TLN2: variants seen among roughly 807,000 people sequenced by gnomAD.
The protein encoded by TLN2 is talin-2.
A neutral mutation model predicts 294.7 loss-of-function variants in TLN2; 118 were observed. The ratio of observed to expected loss-of-function variants is 0.40; its 90% CI spans 0.34 to 0.47. The LOEUF (loss-of-function observed/expected upper bound fraction) is 0.47. TLN2 is among the 20% of genes least tolerant of loss of function. TLN2 has a pLI of 0.84. For missense variants in TLN2, 3,083 were observed against 3,282.2 expected (o/e 0.94, Z 1.48); for synonymous variants, 1,431 against 1,304.5 (o/e 1.10, Z -2.09).
intron 1 of TLN2, among the ~76,000 whole-genome samples, chr15:62,527,466 G>C (rs951243421): frequency 6.6e-6 from 1 of 152,176 alleles, no homozygotes. Flanking sequence ...GGAGGTGTTT[G>C]AGCAAGACAG....
chr15:62,709,854 C>T (rs1441683270), intron 21 of TLN2, among the ~76,000 whole-genome samples: 1 of 152,176 alleles, frequency 6.6e-6, no homozygotes, highest in Non-Finnish European at 1.5e-5. Flanking sequence ...CTTGCCTCAG[C>T]CTCCCAAGTA....
At chr15:62,793,158 T>A (rs752737444) in intron 46 of TLN2, among the ~76,000 whole-genome samples, 1 of 152,182 alleles carries the variant, frequency 6.6e-6, no homozygotes, top group Non-Finnish European at 1.5e-5. Context: ...GACACCATCT[T>A]TCTTCTCAAG....
At chr15:62,769,464 T>C (rs2141043570) in intron 41 of TLN2, among the ~76,000 whole-genome samples, 1 of 152,308 alleles carries the variant, frequency 6.6e-6, no homozygotes, top group Admixed American at 6.5e-5. Flanking sequence ...CCCTTTAAAA[T>C]TCATTCAAAG....
In TLN2 at chr15:62,833,550, C is replaced by T; in HGVS notation, c.7049C>T (p.Ala2350Val). ...LDFEEQILEA[A>V]KSIAAATSAL... ...TTTGAGGAACAGATCTTGGAAGCTG[C>T]TAAATCCATTGCTGCTGCCACAAGC... Residue 2350 changes from alanine to valine, a missense_variant, in exon 55 of 59, where the codon GCT becomes GTT. By Grantham distance (64) the Ala-to-Val change is moderately conservative. Transcript: ENST00000636159. The T allele has an allele frequency of 1.9e-6, 3 of 1,614,164 alleles. No individual in the cohort carries two copies. The highest frequency in any genetic ancestry group is 2.5e-6 in the Non-Finnish European group (3 of 1,180,028).
chr15:62,842,846 C>T lies in TLN2; in HGVS notation c.*2236C>T, dbSNP rs1239664307. The T allele has an allele frequency of 1.3e-5, 2 of 152,196 alleles. No homozygotes were observed. The highest frequency in any genetic ancestry group is 2.4e-5 in the African/African-American group (1 of 41,428). The allele number at this position is 152,196 out of a possible 1,614,324, so 9.4% of individuals were successfully genotyped here. A position where few individuals can be genotyped will look rare whatever the true frequency, so the allele number is the denominator to read the frequency against. On this transcript the variant is annotated 3_prime_UTR_variant, in exon 59 of 59. Coordinates refer to ENST00000636159, the MANE Select transcript of TLN2 (RefSeq NM_015059.3). ...TGGGAGCTTTGGGGAGTTTGGTTCT[C>T]AGTTATCACCTGGTATGGTCCCAGT... is the stretch of plus-strand genomic sequence containing the variant.
intron 1 of TLN2, among the ~76,000 whole-genome samples, chr15:62,536,142 A>C (rs748424875): frequency 6.6e-6 from 1 of 152,186 alleles, no homozygotes; most frequent in African/African-American, 2.4e-5. Context: ...TTTGCCATGT[A>C]GTTTGGAGAC....
In TLN2 at chr15:62,707,200, G is replaced by T; in HGVS notation, c.2119G>T (p.Ala707Ser). 6.2e-7 allele frequency: 1 copy of T among 1,614,060 alleles called. No individual in the cohort carries two copies. The highest frequency in any genetic ancestry group is 8.5e-7 in the Non-Finnish European group (1 of 1,179,946). Reference sequence around the variant, plus strand: ...CACTGTCCTACAGAACAGGGTAATTGCTGCTGCCACCCAGTGTGCCCTCTC... The same window carrying T: ...CACTGTCCTACAGAACAGGGTAATTTCTGCTGCCACCCAGTGTGCCCTCTC... ...EDTVLQNRVI[A>S]AATQCALSTS... The change falls in exon 20 of 59, where the codon GCT becomes TCT. Residue 707 changes from alanine to serine, a missense_variant. Physicochemically the swap from Ala to Ser is moderately conservative, Grantham distance 99. Coordinates refer to ENST00000636159, the MANE Select transcript of TLN2 (RefSeq NM_015059.3).
intron 1 of TLN2, among the ~76,000 whole-genome samples, chr15:62,530,351 TATTCATTCATTC>T (rs138448735): frequency 7.9e-5 from 12 of 152,150 alleles, no homozygotes; most frequent in African/African-American, 1.9e-4. Flanking sequence ...TTTATTCATG[TATTCATTCATTC>T]ATTCATTCAT....
chr15:62,505,747 A>G (rs1227820410), intron 1 of TLN2, among the ~76,000 whole-genome samples: 1 of 152,244 alleles, frequency 6.6e-6, no homozygotes, highest in East Asian at 1.9e-4. Context: ...GGAATTTACA[A>G]CTGGTACATG....
intron 1 of TLN2, among the ~76,000 whole-genome samples, chr15:62,511,257 T>C (rs1248312866): frequency 6.6e-6 from 1 of 152,188 alleles, no homozygotes; most frequent in Non-Finnish European, 1.5e-5. Context: ...TTAGTGTGTT[T>C]TTTTATGTTT....
intron 1 of TLN2, among the ~76,000 whole-genome samples, chr15:62,536,626 T>C (rs2041367507): frequency 6.6e-6 from 1 of 152,008 alleles, no homozygotes; most frequent in African/African-American, 2.4e-5. Context: ...GTGTAGATGG[T>C]AGATGTGCCA....
chr15:62,515,673 T>C (rs1236799961), intron 1 of TLN2, among the ~76,000 whole-genome samples: 2 of 152,238 alleles, frequency 1.3e-5, no homozygotes, highest in Non-Finnish European at 1.5e-5. Context: ...TAGTTTTTAA[T>C]TTGATCTTCA....
At chr15:62,703,598 C>A (rs981787089) in intron 19 of TLN2, among the ~76,000 whole-genome samples, 4 of 145,370 alleles carry the variant, frequency 2.8e-5, no homozygotes, top group African/African-American at 1.0e-4. Context: ...TTTATGTTTA[C>A]TTCGACACAC....
chr15:62,702,879 G>A lies in TLN2; in HGVS notation c.2004+15G>A, dbSNP rs1250154059. 1 of 1,611,180 alleles carries A rather than the reference G, an allele frequency of 6.2e-7. No individual in the cohort carries two copies. Among genetic ancestry groups the A allele is most frequent in the East Asian group, 2.2e-5 (1 of 44,858 alleles). On this transcript the variant is annotated intron_variant, in intron 19 of 58. Coordinates refer to ENST00000636159, the MANE Select transcript of TLN2 (RefSeq NM_015059.3). The stretch of plus-strand genomic sequence containing the variant: ...AGCGATTCCAGGTAAGATATTTGCA[G>A]GCTTATAGTCATGGAAAGAAGTCTA...
At chr15:62,746,742 G>T (rs1050851315) in intron 32 of TLN2, among the ~76,000 whole-genome samples, 4 of 152,176 alleles carry the variant, frequency 2.6e-5, no homozygotes, top group African/African-American at 9.7e-5. Context: ...AGCTGCAGTG[G>T]TTAGAAACTG....
intron 1 of TLN2, among the ~76,000 whole-genome samples, chr15:62,463,567 G>C (rs565838449): frequency 6.6e-6 from 1 of 152,054 alleles, no homozygotes; most frequent in Non-Finnish European, 1.5e-5. Flanking sequence ...ACCATCTCAC[G>C]CCAGTTAGAA....
intron 1 of TLN2, among the ~76,000 whole-genome samples, chr15:62,458,622 A>G (rs1289608460): frequency 2.6e-5 from 4 of 151,730 alleles, no homozygotes; most frequent in Middle Eastern, 3.4e-3. Context: ...AAAAAAATTT[A>G]GCTGGGTGTC....
intron 25 of TLN2, 128 bp downstream of exon 25, chr15:62,720,008 C>A: frequency 3.1e-6 from 2 of 643,468 alleles, no homozygotes; most frequent in South Asian, 3.2e-5. Flanking sequence ...GGCTTGAAGG[C>A]CTCTTCTTTA....
chr15:62,593,249 G>T (rs1348775976), intron 2 of TLN2, among the ~76,000 whole-genome samples: 1 of 152,148 alleles, frequency 6.6e-6, no homozygotes, highest in East Asian at 1.9e-4. Context: ...TTTGGATTAT[G>T]CTTCTTGATG....
Sources: allele counts gnomAD v4.1 joint callset (sites outside exome capture counted in the v4.1 genomes callset), GRCh38; gene constraint gnomAD v4.1.1; transcripts MANE v1.5; gene names NCBI Gene and HGNC (gene_info 2026-07-23, HGNC 2026-07-21).